Variants in SLC12A2 observed in about 807,000 individuals in gnomAD.
SLC12A2 encodes solute carrier family 12 member 2.
A neutral mutation model predicts 136.3 loss-of-function variants in SLC12A2; 67 were observed. The observed-to-expected ratio is 0.49, with a 90% CI of 0.40 to 0.60. SLC12A2 has a LOEUF of 0.60. Ranked by LOEUF, SLC12A2 falls within the 20% of genes least tolerant of loss-of-function variation. SLC12A2 has a pLI of 0.00. For synonymous variants in SLC12A2, 619 were observed against 562.9 expected, an observed-to-expected ratio of 1.10 and a Z score of -1.41; for missense variants, 1,322 against 1,534.7, an observed-to-expected ratio of 0.86 and a Z score of 2.32.
At chr5:128,111,784 G>A (rs535518852) in intron 1 of SLC12A2, among the ~76,000 whole-genome samples, 63 of 146,784 alleles carry the variant, frequency 4.3e-4, no homozygotes, top group Non-Finnish European at 7.0e-4. Flanking sequence ...AAAAAAAAGT[G>A]TACGCATATA....
chr5:128,138,191 G>C (rs932216364), intron 7 of SLC12A2, among the ~76,000 whole-genome samples: 1 of 152,024 alleles, frequency 6.6e-6, no homozygotes. Context: ...TGCCTGCTTC[G>C]GTCTCCCAAC....
Position 128,188,289 on chromosome 5 carries a change from C to CTTTTTTTT in SLC12A2, c.*1675_*1682dup, listed in dbSNP as rs71949635. On this transcript the variant is annotated 3_prime_UTR_variant, in exon 27 of 27. Transcript: ENST00000262461. ...AAATTTATGCAGGTTTTCACGAATC[C>CTTTTTTTT]TTTTTTTTTTTTTTTTTTTTTTTTG... 4 of 85,512 alleles carry CTTTTTTTT rather than the reference C, an allele frequency of 4.7e-5. No homozygotes were observed. Among genetic ancestry groups the CTTTTTTTT allele is most frequent in the African/African-American group, 1.4e-4 (3 of 20,926 alleles). The allele number at this position is 85,512 out of a possible 1,614,324, so 5.3% of individuals were successfully genotyped here.
At chr5:128,147,556 A>T in intron 10 of SLC12A2, 66 bp from the exon 11 acceptor site, 1 of 997,552 alleles carries the variant, frequency 1.0e-6, no homozygotes, top group Non-Finnish European at 1.6e-6. Flanking sequence ...GTGACCACAT[A>T]ATATTGTGTT....
chr5:128,180,280 G>A (rs369578905), intron 22 of SLC12A2, among the ~76,000 whole-genome samples: 2 of 151,784 alleles, frequency 1.3e-5, no homozygotes, highest in African/African-American at 4.8e-5. Flanking sequence ...CATTCTTTTG[G>A]GTTATTTTCT....
At position 128,182,896 on chromosome 5, in the gene SLC12A2, A is replaced by C; in HGVS notation, c.3254A>C (p.Asp1085Ala). 6.2e-7 allele frequency: 1 copy of C among 1,611,818 alleles called. No homozygotes were observed. The highest frequency in any genetic ancestry group is 8.5e-7 in the Non-Finnish European group (1 of 1,178,570). The change falls in exon 24 of 27, where the codon GAT (aspartate) becomes GCT (alanine). Residue 1085 changes from aspartate to alanine, a missense_variant. Physicochemically the swap from Asp to Ala is moderately radical, Grantham distance 126. Coordinates refer to ENST00000262461, the MANE Select transcript of SLC12A2 (RefSeq NM_001046.3). ...AGCAAGTTCCGGATAGACTTTTCTG[A>C]TATCATGGTTCTAGGAGATATCAAT... Reference protein sequence around the residue: ...LLSKFRIDFSDIMVLGDINTK... With the variant: ...LLSKFRIDFSAIMVLGDINTK...
rs1343986020 is a variant in SLC12A2 at position 128,188,866 on chromosome 5, A to G, written c.*2235A>G. On this transcript the variant is annotated 3_prime_UTR_variant, in exon 27 of 27. Coordinates refer to ENST00000262461, the MANE Select transcript of SLC12A2 (RefSeq NM_001046.3). ...AATAATGTGTGAACTTTTAAGATGG[A>G]TAATAGGGCATGGACTGAGTGCTGC... 1 of 151,976 alleles carries G rather than the reference A, an allele frequency of 6.6e-6. No individual in the cohort carries two copies. The highest frequency in any genetic ancestry group is 2.4e-5 in the African/African-American group (1 of 41,220). The allele number at this position is 151,976 out of a possible 1,614,324, so 9.4% of individuals were successfully genotyped here. A position where few individuals can be genotyped will look rare whatever the true frequency, so the allele number is the denominator to read the frequency against.
At chr5:128,153,029 TAAAGTC>T (rs910703694) in intron 15 of SLC12A2, among the ~76,000 whole-genome samples, 2 of 152,222 alleles carry the variant, frequency 1.3e-5, no homozygotes, top group East Asian at 1.9e-4. Flanking sequence ...ATGGGTATGA[TAAAGTC>T]AAAGTTTGAT....
chr5:128,166,230 A>G (rs955703433), intron 17 of SLC12A2, among the ~76,000 whole-genome samples: 1 of 152,150 alleles, frequency 6.6e-6, no homozygotes, highest in Admixed American at 6.5e-5. Flanking sequence ...ACCTCACACT[A>G]TATATAAAAG....
Position 128,147,731 on chromosome 5 carries a change from TA to T in SLC12A2, c.1881+4del. The T allele has an allele frequency of 6.4e-7, 1 of 1,553,798 alleles. No individual in the cohort carries two copies. The highest frequency in any genetic ancestry group is 8.9e-7 in the Non-Finnish European group (1 of 1,126,478). ...GTGAGTGCTCCCAAAATATTTCAGG[TA>T]AGTGTTTTTATATTACAGGCTTTAT... is the stretch of plus-strand genomic sequence containing the variant. On this transcript the variant is annotated splice_donor_region_variant and intron_variant, in intron 11 of 26. Transcript: ENST00000262461.
chr5:128,100,872 G>T (rs2126652368), intron 1 of SLC12A2, among the ~76,000 whole-genome samples: 1 of 152,208 alleles, frequency 6.6e-6, no homozygotes, highest in South Asian at 2.1e-4. Context: ...CAAGTTGTGT[G>T]GGATTTGAAG....
intron 4 of SLC12A2, among the ~76,000 whole-genome samples, chr5:128,127,372 C>T (rs563933613): frequency 2.6e-5 from 4 of 151,974 alleles, no homozygotes; most frequent in African/African-American, 4.8e-5. Flanking sequence ...CCACCTGCCT[C>T]GGCCTGCCAA....
rs1561662515 is a variant in SLC12A2, at chr5:128,110,510, A to G, written c.757-2304A>G. The stretch of plus-strand genomic sequence containing the variant: ...TTCACCAACTTTTTCTTCTTTAAAC[A>G]TGATGAAAACCTGTATGGTCCCATT... On this transcript the variant is annotated intron_variant, in intron 1 of 26. Transcript: ENST00000262461. 7 of 1,431,712 alleles carry G rather than the reference A, an allele frequency of 4.9e-6. No individual in the cohort carries two copies. The Admixed American group carries it at 6.7e-5, about 14-fold the overall frequency. 88.7% of individuals were successfully genotyped at this position (1,431,712 alleles called of 1,614,324 possible). A position where few individuals can be genotyped will look rare whatever the true frequency, so the allele number is the denominator to read the frequency against.
Position 128,178,765 on chromosome 5 carries a change from T to C in SLC12A2, c.3100+76T>C, listed in dbSNP as rs1463349258. ...GAATAGTAAGAAATGACATGCACTC[T>C]TTACCTGTGGACCCCATTCAAATTT... On this transcript the variant is annotated intron_variant, in intron 22 of 26. Coordinates refer to ENST00000262461, the MANE Select transcript of SLC12A2 (RefSeq NM_001046.3). 6 of 1,140,878 alleles carry C rather than the reference T, an allele frequency of 5.3e-6. No homozygotes were observed. In the Admixed American group the frequency reaches 1.9e-4, roughly 37 times the overall value. 70.7% of individuals were successfully genotyped at this position (1,140,878 alleles called of 1,614,324 possible). A position where few individuals can be genotyped will look rare whatever the true frequency, so the allele number is the denominator to read the frequency against.
Position 128,141,896 on chromosome 5 carries a change from G to C in SLC12A2, c.1688G>C (p.Cys563Ser). The change falls in exon 10 of 27, where the codon TGT becomes TCT. Residue 563 changes from cysteine (C) to serine (S), a missense_variant. Transcript: ENST00000262461. ...ACTATCGTAACAGAGCTAACAAACT[G>C]TACTTCTGCAGCCTGCAAATTAAAC... ...NDTIVTELTNCTSAACKLNFD... is the reference protein window; with the variant it reads ...NDTIVTELTNSTSAACKLNFD... 6.2e-7 allele frequency: 1 copy of C among 1,613,970 alleles called. No homozygotes were observed. The highest frequency in any genetic ancestry group is 8.5e-7 in the Non-Finnish European group (1 of 1,179,894).
Position 128,178,562 on chromosome 5 carries a change from T to G in SLC12A2, c.2978-5T>G, listed in dbSNP as rs1223134771. On this transcript the variant is annotated splice_polypyrimidine_tract_variant and splice_region_variant and intron_variant, in intron 21 of 26. Transcript: ENST00000262461. Reference sequence around the variant, plus strand: ...TTACATTTTATATTTTGCTTAATCCTTTAGAATCCAAAGGCCCTATTGTGC... The same window carrying G: ...TTACATTTTATATTTTGCTTAATCCGTTAGAATCCAAAGGCCCTATTGTGC... The G allele has an allele frequency of 6.4e-7, 1 of 1,556,816 alleles. No individual in the cohort carries two copies. The highest frequency in any genetic ancestry group is 8.6e-7 in the Non-Finnish European group (1 of 1,158,466).
At chr5:128,133,089 A>C (rs953287922) in intron 5 of SLC12A2, among the ~76,000 whole-genome samples, 1 of 152,074 alleles carries the variant, frequency 6.6e-6, no homozygotes, top group African/African-American at 2.4e-5. Flanking sequence ...TAATTCTCAG[A>C]TATGATTTTC....
Position 128,187,459 on chromosome 5 carries a change from C to T in SLC12A2, c.*828C>T, listed in dbSNP as rs1187803321. ...CATTTATATTTATTTGGAGAGAAAA[C>T]TGTCCTAATTTAGAATTTCCCTCAA... On this transcript the variant is annotated 3_prime_UTR_variant, in exon 27 of 27. Transcript: ENST00000262461. The T allele has an allele frequency of 6.6e-6, 1 of 152,188 alleles. No individual in the cohort carries two copies. The highest frequency in any genetic ancestry group is 2.1e-4 in the South Asian group (1 of 4,824). The allele number at this position is 152,188 out of a possible 1,614,324, so 9.4% of individuals were successfully genotyped here. A position where few individuals can be genotyped will look rare whatever the true frequency, so the allele number is the denominator to read the frequency against.
chr5:128,090,421 T>G (rs1275614013), intron 1 of SLC12A2, among the ~76,000 whole-genome samples: 1 of 152,204 alleles, frequency 6.6e-6, no homozygotes, highest in Non-Finnish European at 1.5e-5. Flanking sequence ...TCATTATATG[T>G]TACATATATA....
rs867036319 is a variant in SLC12A2, at chr5:128,084,165, C to G, written c.211C>G (p.Pro71Ala). Residue 71 changes from proline (P) to alanine (A), a missense_variant, in exon 1 of 27, where the codon CCC (proline) becomes GCC (alanine). Pro to Ala is a conservative substitution (Grantham distance 27). Around this residue, in one of 8 missense-constraint regions of SLC12A2, gnomAD observed 358 missense variants for 299.7 expected, o/e 1.19. Coordinates refer to ENST00000262461, the MANE Select transcript of SLC12A2 (RefSeq NM_001046.3). This position sits in a 1 kb window ranked among gnomAD's most constrained non-coding sequence, Gnocchi z 5.6. ...GGCGGCCGGGGACGGGCTGGGCAGA[C>G]CCTTGGGGCCCACCCCGAGCCAGAG... ...PAAAGDGLGRPLGPTPSQSRF... is the reference protein window; with the variant it reads ...PAAAGDGLGRALGPTPSQSRF... 1.5e-6 allele frequency: 2 copies of G among 1,296,502 alleles called. No individual in the cohort carries two copies. Among genetic ancestry groups the G allele is most frequent in the Non-Finnish European group, 1.9e-6 (2 of 1,030,532 alleles). 80.3% of individuals were successfully genotyped at this position (1,296,502 alleles called of 1,614,324 possible). A position where few individuals can be genotyped will look rare whatever the true frequency, so the allele number is the denominator to read the frequency against.
Sources: allele counts gnomAD v4.1 joint callset (sites outside exome capture counted in the v4.1 genomes callset), GRCh38; gene constraint gnomAD v4.1.1; regional missense constraint gnomAD v4.1.1; non-coding constraint Gnocchi (gnomAD v3.1); transcripts MANE v1.5; gene names NCBI Gene and HGNC (gene_info 2026-07-23, HGNC 2026-07-21).